KRT6A: variants seen among roughly 807,000 people sequenced by gnomAD.
The protein encoded by KRT6A is keratin, type II cytoskeletal 6A.
A neutral mutation model predicts 48.6 loss-of-function variants in KRT6A; 28 were observed. The ratio of observed to expected loss-of-function variants is 0.58; its 90% CI spans 0.43 to 0.79. The LOEUF (loss-of-function observed/expected upper bound fraction) is 0.79. Among genes scored for constraint, KRT6A ranks in the 30% least tolerant of loss-of-function variants. The pLI is 0.00. For synonymous variants in KRT6A, 301 were observed against 294.2 expected, an observed-to-expected ratio of 1.02 and a Z score of -0.24; for missense variants, 687 against 724.3, an observed-to-expected ratio of 0.95 and a Z score of 0.59.
Position 52,491,172 on chromosome 12 carries a change from T to C in KRT6A, c.756A>G (p.Lys252=). The C allele has an allele frequency of 6.2e-7, 1 of 1,613,952 alleles. No individual in the cohort carries two copies. The highest frequency in any genetic ancestry group is 8.5e-7 in the Non-Finnish European group (1 of 1,179,854). The change falls in exon 3 of 9, where the codon AAA becomes AAG. Residue 252 remains lysine, a splice_region_variant and synonymous_variant. Transcript: ENST00000330722. The stretch of plus-strand genomic sequence containing the variant: ...TGCGCTTGTTGATTTCATCCTCATA[T>C]CTACAGGAAGAAAGGCATGGGACAC... ...MQDLVEDFKN[K]YEDEINKRTA...
chr12:52,487,560 A>G lies in KRT6A; in HGVS notation c.*160T>C. ...AGCAATGGGTGCTCAGATGGTATAG[A>G]GAGAGAGAGAAGAAGTGAGGGCACT... is the stretch of plus-strand genomic sequence containing the variant. On this transcript the variant is annotated 3_prime_UTR_variant, in exon 9 of 9. Transcript: ENST00000330722. 1.2e-6 allele frequency: 1 copy of G among 814,074 alleles called. No individual in the cohort carries two copies. The highest frequency in any genetic ancestry group is 1.7e-5 in the South Asian group (1 of 57,624). The allele number at this position is 814,074 out of a possible 1,614,324, so 50.4% of individuals were successfully genotyped here.
At chr12:52,492,532 T>G (rs1453651309) in intron 1 of KRT6A, 117 bp downstream of exon 1, 21 of 1,582,696 alleles carry the variant, frequency 1.3e-5, no homozygotes, top group Non-Finnish European at 1.6e-5. Flanking sequence ...CTGCACTCTC[T>G]GCAGAGCTGG....
chr12:52,487,319 A>C lies in KRT6A; in HGVS notation c.*401T>G. 7.0e-6 allele frequency: 2 copies of C among 285,362 alleles called. No homozygotes were observed. The highest frequency in any genetic ancestry group is 4.9e-5 in the Admixed American group (1 of 20,498). The allele number at this position is 285,362 out of a possible 1,614,324, so 17.7% of individuals were successfully genotyped here. A position where few individuals can be genotyped will look rare whatever the true frequency, so the allele number is the denominator to read the frequency against. On this transcript the variant is annotated 3_prime_UTR_variant, in exon 9 of 9. Coordinates refer to ENST00000330722, the MANE Select transcript of KRT6A (RefSeq NM_005554.4). ...CTGGGTGGGGGTTCACAACACTTAT[A>C]AGTTAGAGAGTTTGAGAGCCAGTGG...
chr12:52,489,823 T>C (rs1002056222), intron 6 of KRT6A, 120 bp downstream of exon 6: 9 of 1,538,338 alleles, frequency 5.9e-6, no homozygotes, highest in African/African-American at 1.4e-5. Flanking sequence ...GGGTAGGAAA[T>C]GATAGCCTCC....
At chr12:52,490,834 C>G in intron 4 of KRT6A, 24 bp downstream of exon 4, 2 of 1,614,070 alleles carry the variant, frequency 1.2e-6, no homozygotes, top group Non-Finnish European at 1.7e-6. Flanking sequence ...TCAGAGTAAA[C>G]AGAAGGATGG....
intron 1 of KRT6A, among the ~76,000 whole-genome samples, chr12:52,492,210 A>G (rs894306259): frequency 5.9e-5 from 9 of 152,290 alleles, no homozygotes; most frequent in African/African-American, 2.2e-4. Flanking sequence ...AGGATTAATT[A>G]ACATTTCCAC....
At position 52,488,306 on chromosome 12, in the gene KRT6A, G is replaced by T. The variant is rs759158127; in HGVS notation, c.1424+22C>A. The T allele has an allele frequency of 7.4e-6, 12 of 1,614,164 alleles. No individual in the cohort carries two copies. In the Admixed American group the frequency reaches 2.0e-4, roughly 27 times the overall value. Reference sequence around the variant, plus strand: ...CTTGAAGATGGACTCAGCTGTTGAAGGAGTTCGTGTCAGTTACCCACCTGC... The same window carrying T: ...CTTGAAGATGGACTCAGCTGTTGAATGAGTTCGTGTCAGTTACCCACCTGC... On this transcript the variant is annotated intron_variant, in intron 7 of 8. Coordinates refer to ENST00000330722, the MANE Select transcript of KRT6A (RefSeq NM_005554.4).
chr12:52,491,828 A>G (rs977677438), intron 1 of KRT6A, 92 bp from the exon 2 acceptor site: 2 of 1,523,706 alleles, frequency 1.3e-6, no homozygotes, highest in African/African-American at 2.7e-5. Context: ...GGAGGTTCCC[A>G]TGGTGCTGGG....
At position 52,488,073 on chromosome 12, in the gene KRT6A, G is replaced by T; in HGVS notation, c.1455C>A (p.Asn485Lys). Residue 485 changes from asparagine (N) to lysine (K), a missense_variant, in exon 8 of 9, where the codon AAC becomes AAA. By Grantham distance (94) the Asn-to-Lys change is moderately conservative. Transcript: ENST00000330722. Reference sequence around the variant, plus strand: ...AAGGCAAGCAAAGGTACTTACAGATGTTGACTTGTCCAACGCCTTCGCCAT... The same window carrying T: ...AAGGCAAGCAAAGGTACTTACAGATTTTGACTTGTCCAACGCCTTCGCCAT... ...RLNGEGVGQV[N>K]ISVVQSTVSS... The T allele has an allele frequency of 1.2e-6, 2 of 1,614,090 alleles. No individual in the cohort carries two copies. The highest frequency in any genetic ancestry group is 1.7e-6 in the Non-Finnish European group (2 of 1,179,940).
chr12:52,490,316 C>T lies in KRT6A; in HGVS notation c.1078-248G>A, dbSNP rs72482242. 154 of 936,960 alleles carry T rather than the reference C, an allele frequency of 1.6e-4. 1 individual carries two copies. In the East Asian group the frequency reaches 2.4e-3, roughly 15 times the overall value. 58.0% of individuals were successfully genotyped at this position (936,960 alleles called of 1,614,324 possible). ...AATGTTCTGTACCAATTTCTAAAAG[C>T]CAGCAATCAGGGTGAAGCTAAATGC... is the stretch of plus-strand genomic sequence containing the variant. On this transcript the variant is annotated intron_variant, in intron 5 of 8. Coordinates refer to ENST00000330722, the MANE Select transcript of KRT6A (RefSeq NM_005554.4).
At position 52,488,464 on chromosome 12, in the gene KRT6A, G is replaced by C; in HGVS notation, c.1288C>G (p.Leu430Val). The C allele has an allele frequency of 6.2e-7, 1 of 1,614,148 alleles. No homozygotes were observed. Among genetic ancestry groups the C allele is most frequent in the Non-Finnish European group, 8.5e-7 (1 of 1,180,026 alleles). ...LKDAKNKLEG[L>V]EDALQKAKQD... ...TTGGCCTTCTGCAGGGCATCCTCCA[G>C]CCCTTCCAGCTTGTTCTTGGCATCC... Residue 430 changes from leucine to valine, a missense_variant, in exon 7 of 9, where the codon CTG becomes GTG. This residue lies in a region of KRT6A where 566 missense variants were observed against 565.3 expected (regional missense o/e 1.00). Coordinates refer to ENST00000330722, the MANE Select transcript of KRT6A (RefSeq NM_005554.4).
Position 52,490,587 on chromosome 12 carries a change from C to T in KRT6A, c.1059G>A (p.Glu353=). Residue 353 remains glutamate, a synonymous_variant, in exon 5 of 9, where the codon GAG becomes GAA. Transcript: ENST00000330722. Reference sequence around the variant, plus strand: ...TGCTCACCTTGGTCTGGTACCAGGACTCAGCCTCAGCCCGGCTTCTCTGAG... The same window carrying T: ...TGCTCACCTTGGTCTGGTACCAGGATTCAGCCTCAGCCCGGCTTCTCTGAG... The part of the protein sequence containing the change: ...EIAQRSRAEA[E]SWYQTKYEEL... The T allele has an allele frequency of 6.2e-7, 1 of 1,614,226 alleles. No homozygotes were observed.
In KRT6A at chr12:52,487,446, A is replaced by G. The variant is rs977445011; in HGVS notation, c.*274T>C. ...TAATGCTCAGCCTCAGAGATAGAAC[A>G]CTGGAGGCAAGAAATTAATAATTTA... On this transcript the variant is annotated 3_prime_UTR_variant, in exon 9 of 9. Coordinates refer to ENST00000330722, the MANE Select transcript of KRT6A (RefSeq NM_005554.4). 11 of 532,738 alleles carry G rather than the reference A, an allele frequency of 2.1e-5. No homozygotes were observed. Among genetic ancestry groups the G allele is most frequent in the East Asian group, 1.3e-4 (4 of 30,992 alleles). The allele number at this position is 532,738 out of a possible 1,614,324, so 33.0% of individuals were successfully genotyped here.
intron 6 of KRT6A, 120 bp downstream of exon 6, chr12:52,489,823 T>A: frequency 6.5e-6 from 10 of 1,538,456 alleles, no homozygotes; most frequent in Non-Finnish European, 8.9e-6. Flanking sequence ...GGGTAGGAAA[T>A]GATAGCCTCC....
chr12:52,488,384 C>A lies in KRT6A; in HGVS notation c.1368G>T (p.Leu456=). 1.2e-6 allele frequency: 2 copies of A among 1,614,142 alleles called. No homozygotes were observed. Among genetic ancestry groups the A allele is most frequent in the Non-Finnish European group, 1.7e-6 (2 of 1,180,038 alleles). ...KEYQELMNVK[L]ALDVEIATYR... is the part of the protein sequence containing the mutation. The stretch of plus-strand genomic sequence containing the variant: ...AGGTGGCGATCTCCACGTCCAGGGC[C>A]AGCTTGACATTCATCAGCTCCTGGT... The change falls in exon 7 of 9, where the codon CTG becomes CTT. Residue 456 remains leucine, a synonymous_variant. Coordinates refer to ENST00000330722, the MANE Select transcript of KRT6A (RefSeq NM_005554.4).
rs372264347 is a variant in KRT6A at position 52,493,167 on chromosome 12, T to C, written c.22A>G (p.Ile8Val). 3.1e-6 allele frequency: 5 copies of C among 1,613,914 alleles called. No individual in the cohort carries two copies. Among genetic ancestry groups the C allele is most frequent in the Non-Finnish European group, 4.2e-6 (5 of 1,180,032 alleles). The stretch of plus-strand genomic sequence containing the variant: ...CGGCGGCTGCTGCTGTGGCTCCTGA[T>C]GGTGGTGGATGTGCTGGCCATGGTT... MASTSTT[I>V]RSHSSSRRGF... Residue 8 changes from isoleucine to valine, a missense_variant, in exon 1 of 9, where the codon ATC becomes GTC. Around this residue, in one of 3 missense-constraint regions of KRT6A, gnomAD observed 72 missense variants for 61.8 expected, o/e 1.17. Transcript: ENST00000330722.
chr12:52,488,017 C>G, intron 8 of KRT6A, 52 bp downstream of exon 8: 1 of 1,614,164 alleles, frequency 6.2e-7, no homozygotes, highest in Admixed American at 1.7e-5. Context: ...TCAGCCTGAG[C>G]CCAGTCAGAA....
chr12:52,489,936 A>C lies in KRT6A; in HGVS notation c.1203+7T>G, dbSNP rs1343395419. 2 of 1,613,932 alleles carry C rather than the reference A, an allele frequency of 1.2e-6. No homozygotes were observed. Among genetic ancestry groups the C allele is most frequent in the Non-Finnish European group, 1.7e-6 (2 of 1,180,006 alleles). On this transcript the variant is annotated splice_region_variant and intron_variant, in intron 6 of 8. Transcript: ENST00000330722. The stretch of plus-strand genomic sequence containing the variant: ...ATGCTTCTCTCCTCCATTGTCCCTC[A>C]CCATACCTGCTTCTTGACGTGGTCG...
chr12:52,492,873 C>T lies in KRT6A; in HGVS notation c.316G>A (p.Ala106Thr), dbSNP rs1187060006. ...CCACCCAGACCAAAGCCAATGCCGG[C>T]TCCACCACCGAAACCAAATCCACTC... ...AGSGFGFGGG[A>T]GIGFGLGGGA... Residue 106 changes from alanine (A) to threonine (T), a missense_variant, in exon 1 of 9, where the codon GCC becomes ACC. By Grantham distance (58) the Ala-to-Thr change is moderately conservative. Transcript: ENST00000330722. The T allele has an allele frequency of 6.2e-7, 1 of 1,607,874 alleles. No homozygotes were observed. The highest frequency in any genetic ancestry group is 8.5e-7 in the Non-Finnish European group (1 of 1,177,152).
Sources: allele counts gnomAD v4.1 joint callset (sites outside exome capture counted in the v4.1 genomes callset), GRCh38; gene constraint gnomAD v4.1.1; regional missense constraint gnomAD v4.1.1; transcripts MANE v1.5; gene names NCBI Gene and HGNC (gene_info 2026-07-23, HGNC 2026-07-21).